UNC13C: variants seen among roughly 807,000 people sequenced by gnomAD.
The protein encoded by UNC13C is unc-13 homolog C, also known as protein unc-13 homolog C.
A neutral mutation model predicts 245.4 loss-of-function variants in UNC13C; 174 were observed. The observed-to-expected ratio is 0.71, with a 90% confidence interval of 0.63 to 0.80. The LOEUF is 0.80. Among genes scored for constraint, UNC13C ranks in the 30% least tolerant of loss-of-function variants. The pLI is 0.00. For missense variants in UNC13C, 2,829 were observed against 2,602.9 expected (o/e 1.09, Z -1.89); for synonymous variants, 992 against 895.1 (o/e 1.11, Z -1.93).
At chr15:54,570,975 C>T (rs1386781718) in intron 30 of UNC13C, among the ~76,000 whole-genome samples, 2 of 152,190 alleles carry the variant, frequency 1.3e-5, no homozygotes, top group Non-Finnish European at 2.9e-5. Context: ...ACATTTGACA[C>T]TGGACATGCT....
intron 4 of UNC13C, among the ~76,000 whole-genome samples, chr15:54,156,433 C>A (rs1418605825): frequency 6.6e-6 from 1 of 152,018 alleles, no homozygotes; most frequent in Non-Finnish European, 1.5e-5. Flanking sequence ...CATCATCTGC[C>A]CTATAATCTT....
intron 2 of UNC13C, among the ~76,000 whole-genome samples, chr15:54,032,808 C>G (rs12915215): frequency 0.4 from 60,973 of 152,116 alleles, 13,076 homozygotes; most frequent in East Asian, 0.49. Context: ...ATAGATTTTC[C>G]TTTAAATGAA....
intron 19 of UNC13C, among the ~76,000 whole-genome samples, chr15:54,433,022 A>G (rs969340597): frequency 1.3e-4 from 20 of 152,170 alleles, no homozygotes; most frequent in South Asian, 2.1e-4. Context: ...ATTAACACAT[A>G]TATCTTCCAA....
chr15:54,124,345 T>C (rs1400634083), intron 2 of UNC13C, among the ~76,000 whole-genome samples: 1 of 152,226 alleles, frequency 6.6e-6, no homozygotes, highest in Non-Finnish European at 1.5e-5. Flanking sequence ...CTATTAAATG[T>C]GTAGAGACAT....
chr15:54,265,909 A>G (rs2036539334), intron 10 of UNC13C, among the ~76,000 whole-genome samples: 1 of 152,146 alleles, frequency 6.6e-6, no homozygotes, highest in East Asian at 1.9e-4. Context: ...GGGTGGAACC[A>G]TATCTACATT....
At chr15:54,448,927 C>T (rs960237569) in intron 19 of UNC13C, among the ~76,000 whole-genome samples, 31 of 152,090 alleles carry the variant, frequency 2.0e-4, no homozygotes, top group Admixed American at 4.6e-4. Flanking sequence ...TGTTCCTTTC[C>T]ATGTTTAGTG....
chr15:54,096,411 G>A (rs1273046214), intron 2 of UNC13C, among the ~76,000 whole-genome samples: 1 of 152,066 alleles, frequency 6.6e-6, no homozygotes, highest in Non-Finnish European at 1.5e-5. Flanking sequence ...AGAGGAACAT[G>A]CTGGATATAG....
the UNC13C span, among the ~76,000 whole-genome samples, chr15:53,850,388 C>G: frequency 3.3e-5 from 5 of 152,026 alleles, no homozygotes; most frequent in Admixed American, 2.6e-4. Context: ...GCATTCCAGC[C>G]TAGGTAACAG....
Position 54,264,221 on chromosome 15 carries a change from A to G in UNC13C, c.3502A>G (p.Ile1168Val). 1 of 1,594,714 alleles carries G rather than the reference A, an allele frequency of 6.3e-7. No individual in the cohort carries two copies. Residue 1168 changes from isoleucine (I) to valine (V), a missense_variant, in exon 9 of 33, where the codon ATT (isoleucine) becomes GTT (valine). Ile to Val is a conservative substitution (Grantham distance 29, BLOSUM62 3). Transcript: ENST00000260323. ...HGAEDKTQTI[I>V]TAMKERMKIR... ...TGCCGAAGACAAGACTCAGACCATT[A>G]TTACAGCAATGAAAGAAAGAATGAA...
intron 10 of UNC13C, among the ~76,000 whole-genome samples, chr15:54,266,038 A>G (rs189523811): frequency 1.1e-4 from 17 of 152,128 alleles, no homozygotes; most frequent in Non-Finnish European, 1.9e-4. Context: ...TTTTCTCTCA[A>G]AAGTTCTTTT....
At chr15:54,099,562 T>A (rs530712559) in intron 2 of UNC13C, among the ~76,000 whole-genome samples, 194 of 152,194 alleles carry the variant, frequency 1.3e-3, no homozygotes, top group African/African-American at 4.5e-3. Flanking sequence ...TCTGATGAAA[T>A]TTTTCAAACT....
At chr15:54,145,408 T>C (rs892639077) in intron 4 of UNC13C, among the ~76,000 whole-genome samples, 5 of 152,176 alleles carry the variant, frequency 3.3e-5, no homozygotes, top group African/African-American at 1.2e-4. Flanking sequence ...ATAGAAGTGA[T>C]TAAGATGTTA....
intron 19 of UNC13C, among the ~76,000 whole-genome samples, chr15:54,455,205 C>CTCTA (rs1388065398): frequency 9.5e-4 from 18 of 18,960 alleles, no homozygotes; most frequent in East Asian, 3.9e-3. Context: ...CTCTCTCTCT[C>CTCTA]TATATATATA....
chr15:53,969,775 G>C, the UNC13C span, among the ~76,000 whole-genome samples: 3 of 151,584 alleles, frequency 2.0e-5, no homozygotes, highest in Non-Finnish European at 4.4e-5. Context: ...TAAGTGCACA[G>C]TGTTAAGTAT....
At chr15:54,555,603 G>C in intron 29 of UNC13C, 91 bp downstream of exon 29, 2 of 911,640 alleles carry the variant, frequency 2.2e-6, no homozygotes, top group Admixed American at 2.5e-5. Flanking sequence ...TGTATCAGTA[G>C]AGCTGCGCCA....
At chr15:54,120,404 AC>A (rs560422300) in intron 2 of UNC13C, among the ~76,000 whole-genome samples, 503 of 152,230 alleles carry the variant, frequency 3.3e-3, no homozygotes, top group Non-Finnish European at 5.8e-3. Flanking sequence ...CTGAATACTT[AC>A]ACTGCTCAGA....
chr15:54,589,289 CTTTTTT>C (rs71105821), intron 30 of UNC13C, among the ~76,000 whole-genome samples: 9 of 53,496 alleles, frequency 1.7e-4, no homozygotes, highest in Admixed American at 3.6e-4. Context: ...TCTTCTTCTT[CTTTTTT>C]TTTTTTTTTT....
chr15:53,972,997 TTCATTTTTG>T, the UNC13C span, among the ~76,000 whole-genome samples: 1 of 152,022 alleles, frequency 6.6e-6, no homozygotes, highest in Non-Finnish European at 1.5e-5. Flanking sequence ...GATTATAGTT[TTCATTTTTG>T]TCAAGCCAAA....
chr15:54,204,731 A>G (rs931908364), intron 4 of UNC13C, among the ~76,000 whole-genome samples: 1 of 152,034 alleles, frequency 6.6e-6, no homozygotes, highest in Non-Finnish European at 1.5e-5. Flanking sequence ...TGATTAAGAC[A>G]GAGTCATGTT....
Sources: allele counts gnomAD v4.1 joint callset (sites outside exome capture counted in the v4.1 genomes callset), GRCh38; gene constraint gnomAD v4.1.1; transcripts MANE v1.5; gene names NCBI Gene and HGNC (gene_info 2026-07-23, HGNC 2026-07-21).